Variants in TMPRSS15 observed in about 807,000 individuals in gnomAD.
The protein encoded by TMPRSS15 is enteropeptidase.
TMPRSS15 carries 128 observed loss-of-function variants against 125.3 expected under a neutral mutation model. The observed-to-expected ratio is 1.02, with a 90% CI of 0.89 to 1.18. TMPRSS15 has a LOEUF of 1.18. Ranked by LOEUF, TMPRSS15 falls within the 50% of genes most tolerant of loss-of-function variation. The probability of loss-of-function intolerance (pLI) is 0.00; values close to 1 mark genes in which losing one functional copy is unlikely to be tolerated. For missense variants in TMPRSS15, 1,283 were observed against 1,212.7 expected (o/e 1.06, Z -0.86); for synonymous variants, 446 against 423.2 (o/e 1.05, Z -0.66).
At position 18,352,902 on chromosome 21, in the gene TMPRSS15, C is replaced by T; in HGVS notation, c.1171+1G>A. ...TGACTTCTGAATTAAATGAATTATA[C>T]CTGAAGCATTGCCAAAAGTGTGGTC... On this transcript the variant is annotated splice_donor_variant, in intron 10 of 24. Transcript: ENST00000284885. LOFTEE classifies it high-confidence loss of function. 6.2e-7 allele frequency: 1 copy of T among 1,611,542 alleles called. No individual in the cohort carries two copies. The highest frequency in any genetic ancestry group is 8.5e-7 in the Non-Finnish European group (1 of 1,178,410).
At chr21:18,348,805 G>A (rs1013208796) in intron 10 of TMPRSS15, among the ~76,000 whole-genome samples, 6 of 152,132 alleles carry the variant, frequency 3.9e-5, no homozygotes, top group Non-Finnish European at 7.4e-5. Context: ...TATGTTTCTC[G>A]AATACTTTTG....
At chr21:18,323,065 A>T (rs1324089552) in intron 16 of TMPRSS15, among the ~76,000 whole-genome samples, 1 of 152,152 alleles carries the variant, frequency 6.6e-6, no homozygotes, top group Non-Finnish European at 1.5e-5. Flanking sequence ...GATGGAAGAG[A>T]TTTGTCTCTG....
Position 18,398,286 on chromosome 21 carries a change from T to C in TMPRSS15, c.189A>G (p.Lys63=). 6.2e-7 allele frequency: 1 copy of C among 1,613,900 alleles called. No homozygotes were observed. The highest frequency in any genetic ancestry group is 8.5e-7 in the Non-Finnish European group (1 of 1,179,824). Reference sequence around the variant, plus strand: ...GATTATATGTAACTCCGGATGTTATTTTAAATGTCGCTCTGGCTTCATGAC... The same window carrying C: ...GATTATATGTAACTCCGGATGTTATCTTAAATGTCGCTCTGGCTTCATGAC... ...GQSHEARATF[K]ITSGVTYNPN... Residue 63 remains lysine (K), a synonymous_variant, in exon 2 of 25, where the codon AAA becomes AAG. Transcript: ENST00000284885.
intron 21 of TMPRSS15, among the ~76,000 whole-genome samples, chr21:18,283,868 T>C (rs376988446): frequency 4.5e-4 from 69 of 152,304 alleles, no homozygotes; most frequent in East Asian, 2.9e-3. Context: ...TAATCACTGA[T>C]ATGAGAGAGC....
intron 5 of TMPRSS15, among the ~76,000 whole-genome samples, chr21:18,376,213 A>T (rs201594637): frequency 3.1e-4 from 40 of 130,928 alleles, no homozygotes; most frequent in South Asian, 1.7e-3. Context: ...TTTTTTTTTT[A>T]AATTTTATTG....
intron 17 of TMPRSS15, among the ~76,000 whole-genome samples, chr21:18,313,490 A>G (rs2075124480): frequency 6.6e-6 from 1 of 151,436 alleles, no homozygotes; most frequent in Non-Finnish European, 1.5e-5. Flanking sequence ...AATTTTTCAA[A>G]TATACAGCAA....
At chr21:18,362,612 G>A (rs907556537) in intron 7 of TMPRSS15, among the ~76,000 whole-genome samples, 6 of 151,998 alleles carry the variant, frequency 3.9e-5, no homozygotes, top group Admixed American at 3.9e-4. Flanking sequence ...AGATATTTCA[G>A]TTACCTTCTG....
chr21:18,301,056 G>A (rs182349366), intron 18 of TMPRSS15, among the ~76,000 whole-genome samples: 7 of 152,156 alleles, frequency 4.6e-5, no homozygotes, highest in South Asian at 2.1e-4. Flanking sequence ...TAAATATGTC[G>A]TCTTGGGTTA....
At chr21:18,354,219 A>G (rs554191069) in intron 8 of TMPRSS15, among the ~76,000 whole-genome samples, 7 of 151,836 alleles carry the variant, frequency 4.6e-5, no homozygotes, top group Non-Finnish European at 8.8e-5. Context: ...ATTAAAGTCA[A>G]CTTAGCTTTA....
At chr21:18,433,187 T>C (rs2123215280) in intron 1 of TMPRSS15, among the ~76,000 whole-genome samples, 1 of 152,234 alleles carries the variant, frequency 6.6e-6, no homozygotes, top group East Asian at 1.9e-4. Flanking sequence ...CTAGCAATGT[T>C]TGTCCTGGTA....
In TMPRSS15 at chr21:18,397,880, C is replaced by G; in HGVS notation, c.343G>C (p.Glu115Gln). Reference protein sequence around the residue: ...EYKNSRVLQFENGSIIVVFDL... With the variant: ...EYKNSRVLQFQNGSIIVVFDL... ...AGAAAATTTTTGAGCTATACTCACTCAAATTGTAAAACTCTTGAGTTCTTA... is the reference window on the plus strand; with the variant it reads ...AGAAAATTTTTGAGCTATACTCACTGAAATTGTAAAACTCTTGAGTTCTTA... Residue 115 changes from glutamate (E) to glutamine (Q), a missense_variant and splice_region_variant, in exon 3 of 25, where the codon GAA becomes CAA. Glu to Gln is a conservative substitution (Grantham distance 29). Coordinates refer to ENST00000284885, the MANE Select transcript of TMPRSS15 (RefSeq NM_002772.3). 1 of 1,536,010 alleles carries G rather than the reference C, an allele frequency of 6.5e-7. No homozygotes were observed. Among genetic ancestry groups the G allele is most frequent in the South Asian group, 1.2e-5 (1 of 83,050 alleles).
At chr21:18,297,654 T>C (rs1381816561) in intron 19 of TMPRSS15, 80 bp downstream of exon 19, 8 of 1,059,876 alleles carry the variant, frequency 7.5e-6, no homozygotes, top group South Asian at 2.6e-5. Context: ...TGTAATAGCA[T>C]TCAAATCTGA....
intron 1 of TMPRSS15, among the ~76,000 whole-genome samples, chr21:18,416,785 T>G (rs1319512351): frequency 6.6e-6 from 1 of 152,052 alleles, no homozygotes; most frequent in Non-Finnish European, 1.5e-5. Flanking sequence ...ACTCATTCAT[T>G]CAAGAGTACA....
intron 1 of TMPRSS15, among the ~76,000 whole-genome samples, chr21:18,467,912 T>C (rs1006308177): frequency 6.6e-6 from 1 of 151,966 alleles, no homozygotes; most frequent in Admixed American, 6.6e-5. Context: ...AAAAGTGTAT[T>C]TGTGTAGTTT....
intron 4 of TMPRSS15, among the ~76,000 whole-genome samples, chr21:18,380,964 T>C (rs1190264570): frequency 6.6e-6 from 1 of 152,110 alleles, no homozygotes; most frequent in East Asian, 1.9e-4. Context: ...AAGGTAACAA[T>C]TGCAAAACAA....
intron 24 of TMPRSS15, among the ~76,000 whole-genome samples, chr21:18,273,385 A>C (rs2074583810): frequency 6.6e-6 from 1 of 151,008 alleles, no homozygotes; most frequent in Non-Finnish European, 1.5e-5. Flanking sequence ...GTTATAAAAC[A>C]TAGTATTAAA....
intron 15 of TMPRSS15, among the ~76,000 whole-genome samples, chr21:18,327,214 T>C (rs77389783): frequency 1.1e-3 from 161 of 152,308 alleles, no homozygotes; most frequent in African/African-American, 3.8e-3. Flanking sequence ...TTTAAAACAA[T>C]AAATCAGAGA....
intron 4 of TMPRSS15, among the ~76,000 whole-genome samples, chr21:18,381,320 C>T (rs1319010627): frequency 6.6e-6 from 1 of 151,984 alleles, no homozygotes; most frequent in Non-Finnish European, 1.5e-5. Context: ...AGAGTGTTGA[C>T]ACTGAAGATA....
chr21:18,312,761 AG>A (rs1206933908), intron 18 of TMPRSS15, among the ~76,000 whole-genome samples, 183 bp downstream of exon 18: 1 of 152,088 alleles, frequency 6.6e-6, no homozygotes, highest in Non-Finnish European at 1.5e-5. Flanking sequence ...ATTCATACAA[AG>A]GTTATTAACA....
Sources: gnomAD v4.1 joint callset for allele counts (sites outside exome capture counted in the v4.1 genomes callset) on GRCh38, gnomAD v4.1.1 for gene constraint, MANE v1.5 for transcripts, NCBI Gene and HGNC (gene_info 2026-07-23, HGNC 2026-07-21) for gene names.